Variants in ALK observed in about 807,000 individuals in gnomAD.
ALK encodes ALK tyrosine kinase receptor.
ALK carries 74 observed loss-of-function variants against 163.1 expected under a neutral mutation model. The observed-to-expected ratio is 0.45, with a 90% CI of 0.38 to 0.55. The LOEUF is 0.55. ALK is among the 20% of genes least tolerant of loss of function. The probability of loss-of-function intolerance (pLI) is 0.00; values close to 1 mark genes in which losing one functional copy is unlikely to be tolerated. For synonymous variants in ALK, 960 were observed against 843.2 expected, an observed-to-expected ratio of 1.14 and a Z score of -2.40; for missense variants, 2,063 against 2,105.3, an observed-to-expected ratio of 0.98 and a Z score of 0.39.
At chr2:29,901,027 AAGC>A (rs1193676226) in intron 1 of ALK, among the ~76,000 whole-genome samples, 10 of 150,292 alleles carry the variant, frequency 6.7e-5, no homozygotes, top group African/African-American at 2.5e-4. Context: ...GCAAGCAAGC[AAGC>A]AAGCTTTTCC....
chr2:29,240,152 C>CACAG (rs1553397554), intron 12 of ALK, among the ~76,000 whole-genome samples: 1 of 143,298 alleles, frequency 7.0e-6, no homozygotes, highest in Non-Finnish European at 1.5e-5. Flanking sequence ...AGGGAAACAG[C>CACAG]AGAGAGAGAG....
rs749016081 is a variant in ALK, at chr2:29,220,798, C to A, written c.3553G>T (p.Val1185Leu). 3 of 1,614,144 alleles carry A rather than the reference C, an allele frequency of 1.9e-6. No homozygotes were observed. Among genetic ancestry groups the A allele is most frequent in the Non-Finnish European group, 2.5e-6 (3 of 1,179,984 alleles). The change falls in exon 23 of 29, where the codon GTG (valine) becomes TTG (leucine). Residue 1185 changes from valine to leucine, a missense_variant. Val to Leu is a conservative substitution (Grantham distance 32, BLOSUM62 1). Transcript: ENST00000389048. ...AACCGGGGCAGGGATTGCAGGCTCA[C>A]CCCAATGCAGCGAACAATGTTCTGG... The part of the protein sequence containing the change: ...NHQNIVRCIG[V>L]SLQSLPRFIL...
chr2:29,607,155 T>C (rs1675562980), intron 3 of ALK, among the ~76,000 whole-genome samples: 2 of 152,230 alleles, frequency 1.3e-5, no homozygotes, highest in Admixed American at 1.3e-4. Flanking sequence ...TTTTCAAGTT[T>C]AGTGACAGTT....
At chr2:29,269,560 C>G (rs1353710390) in intron 11 of ALK, among the ~76,000 whole-genome samples, 3 of 152,098 alleles carry the variant, frequency 2.0e-5, no homozygotes, top group Admixed American at 6.5e-5. Flanking sequence ...GGGAGGGCGC[C>G]GAACGTGCTG....
At chr2:29,750,809 T>C (rs1680344560) in intron 1 of ALK, among the ~76,000 whole-genome samples, 1 of 151,976 alleles carries the variant, frequency 6.6e-6, no homozygotes, top group South Asian at 2.1e-4. Context: ...TTGTGGCTCA[T>C]GCCTGTAATC....
At chr2:29,916,823 G>T (rs1039335717) in intron 1 of ALK, among the ~76,000 whole-genome samples, 1 of 152,164 alleles carries the variant, frequency 6.6e-6, no homozygotes, top group African/African-American at 2.4e-5. Flanking sequence ...GGAGCTGTGG[G>T]CAACATGCCA....
At chr2:29,477,933 A>G (rs1671566699) in intron 4 of ALK, among the ~76,000 whole-genome samples, 1 of 152,238 alleles carries the variant, frequency 6.6e-6, no homozygotes. Context: ...CAAGGAAGGC[A>G]CTTCTGCCAG....
intron 5 of ALK, among the ~76,000 whole-genome samples, chr2:29,335,711 A>G (rs1667590990): frequency 6.6e-6 from 1 of 152,144 alleles, no homozygotes; most frequent in Non-Finnish European, 1.5e-5. Context: ...GGCCAATGAA[A>G]TCAGTATCTC....
chr2:29,900,960 A>C (rs891246846), intron 1 of ALK, among the ~76,000 whole-genome samples: 1 of 151,474 alleles, frequency 6.6e-6, no homozygotes, highest in African/African-American at 2.4e-5. Flanking sequence ...TCACAGCTGA[A>C]TGTCTTAAGA....
chr2:29,644,373 A>G (rs57743507), intron 3 of ALK, among the ~76,000 whole-genome samples: 2,032 of 151,840 alleles, frequency 0.013, 38 homozygotes, highest in African/African-American at 0.038. Flanking sequence ...CGTTGTGCAC[A>G]TGTACCCTAA....
At chr2:29,562,840 A>T (rs1674066100) in intron 3 of ALK, among the ~76,000 whole-genome samples, 1 of 152,194 alleles carries the variant, frequency 6.6e-6, no homozygotes, top group African/African-American at 2.4e-5. Flanking sequence ...ATGCTGGCAA[A>T]ATGACAATAC....
intron 3 of ALK, among the ~76,000 whole-genome samples, chr2:29,593,770 A>T (rs1675126891): frequency 1.3e-5 from 2 of 152,336 alleles, no homozygotes; most frequent in Admixed American, 1.3e-4. Flanking sequence ...TTCCTCTGAT[A>T]TCCTATGTGA....
At chr2:29,852,847 T>G (rs201458400) in intron 1 of ALK, among the ~76,000 whole-genome samples, 22,159 of 151,110 alleles carry the variant, frequency 0.15, 1,820 homozygotes, top group Middle Eastern at 0.26. Context: ...TCTCTCTCTC[T>G]CTCTCTCTCT....
At chr2:29,814,638 C>T (rs980019575) in intron 1 of ALK, among the ~76,000 whole-genome samples, 17 of 150,272 alleles carry the variant, frequency 1.1e-4, no homozygotes, top group South Asian at 2.2e-4. Flanking sequence ...CCAGCCTGGG[C>T]GACACAGCAA....
At chr2:29,512,260 C>A (rs1346282208) in intron 4 of ALK, among the ~76,000 whole-genome samples, 1 of 151,686 alleles carries the variant, frequency 6.6e-6, no homozygotes, top group African/African-American at 2.4e-5. Flanking sequence ...AAAATACTGG[C>A]AAACCGAATC....
intron 6 of ALK, among the ~76,000 whole-genome samples, chr2:29,325,975 A>AC (rs1377960304): frequency 6.6e-6 from 1 of 152,198 alleles, no homozygotes; most frequent in African/African-American, 2.4e-5. Context: ...GCACACAAAT[A>AC]AGAAAAAGGA....
At chr2:29,812,772 TACA>T (rs1257396774) in intron 1 of ALK, among the ~76,000 whole-genome samples, 1 of 152,200 alleles carries the variant, frequency 6.6e-6, no homozygotes, top group East Asian at 1.9e-4. Context: ...GCATTTCCTC[TACA>T]ACATTTCCCA....
chr2:29,574,392 T>C (rs1431052265), intron 3 of ALK, among the ~76,000 whole-genome samples: 2 of 152,264 alleles, frequency 1.3e-5, no homozygotes, highest in Non-Finnish European at 2.9e-5. Flanking sequence ...AACATGGGCC[T>C]CTTCCCACCT....
intron 1 of ALK, among the ~76,000 whole-genome samples, chr2:29,825,566 G>A (rs1486003579): frequency 1.3e-5 from 2 of 152,212 alleles, no homozygotes; most frequent in Non-Finnish European, 2.9e-5. Flanking sequence ...GGTGAAGCTG[G>A]AGAGTAGGTT....
Sources: allele counts gnomAD v4.1 joint callset (sites outside exome capture counted in the v4.1 genomes callset), GRCh38; gene constraint gnomAD v4.1.1; transcripts MANE v1.5; gene names NCBI Gene and HGNC (gene_info 2026-07-23, HGNC 2026-07-21).